FTO: variants seen among roughly 807,000 people sequenced by gnomAD.
FTO encodes alpha-ketoglutarate-dependent dioxygenase FTO.
Under a neutral mutation model 63.9 loss-of-function variants are expected in FTO, and 47 were observed. The observed-to-expected ratio is 0.74, with a 90% CI of 0.58 to 0.94. FTO has a LOEUF of 0.94. Among genes scored for constraint, FTO ranks in the 40% least tolerant of loss-of-function variants. The pLI is 0.00. For synonymous variants in FTO, 207 were observed against 224.4 expected, an observed-to-expected ratio of 0.92 and a Z score of 0.69; for missense variants, 562 against 618.1, an observed-to-expected ratio of 0.91 and a Z score of 0.96.
At chr16:53,933,832 C>A (rs775743803) in intron 7 of FTO, among the ~76,000 whole-genome samples, 153 bp from the exon 8 acceptor site, 1 of 152,138 alleles carries the variant, frequency 6.6e-6, no homozygotes, top group African/African-American at 2.4e-5. Flanking sequence ...AAATATATGC[C>A]GGCCATTTTT....
chr16:53,889,032 A>C, intron 7 of FTO, 81 bp downstream of exon 7: 1 of 1,439,116 alleles, frequency 6.9e-7, no homozygotes, highest in Non-Finnish European at 9.8e-7. Flanking sequence ...GCTTAGGCAA[A>C]TGTAGATTTA....
chr16:53,976,848 T>C (rs2083447333), intron 8 of FTO, among the ~76,000 whole-genome samples: 1 of 152,190 alleles, frequency 6.6e-6, no homozygotes, highest in African/African-American at 2.4e-5. Flanking sequence ...GTTGAGTTTT[T>C]GCATTCATAT....
At chr16:53,785,339 A>G (rs2077705934) in intron 1 of FTO, among the ~76,000 whole-genome samples, 1 of 152,178 alleles carries the variant, frequency 6.6e-6, no homozygotes, top group Admixed American at 6.5e-5. Flanking sequence ...TGAAAGTGGA[A>G]AGGAAAGTAT....
intron 8 of FTO, among the ~76,000 whole-genome samples, chr16:54,035,566 G>T (rs572953875): frequency 1.3e-5 from 2 of 152,268 alleles, no homozygotes; most frequent in South Asian, 4.1e-4. Context: ...CATTGACATT[G>T]TCGGTTTTAA....
In FTO at chr16:53,721,703, A is replaced by G. The variant is rs2076045667; in HGVS notation, c.45+17474A>G. Among the ~76,000 whole-genome samples, 3 of 152,278 alleles carry G rather than the reference A, an allele frequency of 2.0e-5. No homozygotes were observed. The South Asian group carries it at 6.2e-4, about 32-fold the overall frequency. On this transcript the variant is annotated intron_variant, in intron 1 of 8. Coordinates refer to ENST00000471389, the MANE Select transcript of FTO (RefSeq NM_001080432.3). ...TTTAAAATTGCTAACCACTATCCAA[A>G]TGCAGAGTGATAGTATTTTCTGGGT... is the stretch of plus-strand genomic sequence containing the variant.
At chr16:53,842,429 TTTA>T (rs2079503504) in intron 3 of FTO, among the ~76,000 whole-genome samples, 1 of 152,170 alleles carries the variant, frequency 6.6e-6, no homozygotes, top group Non-Finnish European at 1.5e-5. Context: ...TTTAAAAGTT[TTTA>T]TGTAGAGTTA....
chr16:54,017,097 A>G (rs935613738), intron 8 of FTO, among the ~76,000 whole-genome samples: 6 of 152,058 alleles, frequency 3.9e-5, no homozygotes, highest in African/African-American at 1.5e-4. Context: ...GGTTTATGCC[A>G]TTAAAACCTC....
intron 4 of FTO, among the ~76,000 whole-genome samples, chr16:53,854,016 G>A (rs1354539143): frequency 1.3e-5 from 2 of 151,994 alleles, no homozygotes; most frequent in Non-Finnish European, 2.9e-5. Context: ...TGGTCATTCT[G>A]GCTAGGATAA....
chr16:53,925,147 GA>G (rs2082109861), intron 7 of FTO, among the ~76,000 whole-genome samples: 1 of 151,216 alleles, frequency 6.6e-6, no homozygotes, highest in African/African-American at 2.4e-5. Flanking sequence ...TGGGGCTTTT[GA>G]CAGCCTGTGG....
chr16:53,984,737 C>T (rs1437469495), intron 8 of FTO, among the ~76,000 whole-genome samples: 2 of 152,214 alleles, frequency 1.3e-5, no homozygotes, highest in Admixed American at 1.3e-4. Context: ...AACAGAAATG[C>T]TGAGTAATGA....
chr16:53,865,661 CCT>C (rs1025178534), intron 4 of FTO, among the ~76,000 whole-genome samples: 13 of 152,116 alleles, frequency 8.5e-5, no homozygotes, highest in Non-Finnish European at 1.9e-4. Flanking sequence ...CGTCTCCTCC[CCT>C]GTCTCTGTAG....
At chr16:54,080,840 G>A (rs2086123391) in intron 8 of FTO, among the ~76,000 whole-genome samples, 3 of 152,338 alleles carry the variant, frequency 2.0e-5, no homozygotes, top group African/African-American at 7.2e-5. Context: ...GCTCCTGGAA[G>A]AGTATACTTT....
rs572804981 is a variant in FTO, at chr16:54,021,646, C to T, written c.1364+87537C>T. Among the ~76,000 whole-genome samples the T allele has an allele frequency of 8.5e-4, 130 of 152,230 alleles. 3 individuals carry two copies. In the South Asian group the frequency reaches 0.026, roughly 30 times the overall value. On this transcript the variant is annotated intron_variant, in intron 8 of 8. Coordinates refer to ENST00000471389, the MANE Select transcript of FTO (RefSeq NM_001080432.3). ...CTGGGACTACAGGAGCACACTATCA[C>T]ACCCAGCCAATTTTTGTATTTTTAG...
intron 8 of FTO, among the ~76,000 whole-genome samples, chr16:54,010,920 C>G (rs2084319589): frequency 6.6e-6 from 1 of 152,218 alleles, no homozygotes; most frequent in African/African-American, 2.4e-5. Context: ...CCCAGCACTT[C>G]CTCTGGTATG....
At chr16:53,738,963 C>T (rs1261585381) in intron 1 of FTO, among the ~76,000 whole-genome samples, 1 of 151,930 alleles carries the variant, frequency 6.6e-6, no homozygotes, top group Non-Finnish European at 1.5e-5. Context: ...ACCTCAGCCT[C>T]CTGAGTAGCT....
At chr16:54,029,706 T>A (rs1477094) in intron 8 of FTO, among the ~76,000 whole-genome samples, 32,433 of 152,124 alleles carry the variant, frequency 0.21, 4,705 homozygotes, top group African/African-American at 0.4. Context: ...TTGCTGCCCA[T>A]TAAACTCCAC....
chr16:54,090,605 G>C (rs180864662), intron 8 of FTO, among the ~76,000 whole-genome samples: 1 of 152,118 alleles, frequency 6.6e-6, no homozygotes, highest in Non-Finnish European at 1.5e-5. Flanking sequence ...GCATGTCATC[G>C]ACAGTTACAA....
chr16:53,707,417 C>T (rs1298442692), intron 1 of FTO, among the ~76,000 whole-genome samples: 1 of 152,198 alleles, frequency 6.6e-6, no homozygotes, highest in Non-Finnish European at 1.5e-5. Context: ...TCCTTAAGAG[C>T]CTCAACTTAA....
At chr16:53,769,588 C>T (rs2077287065) in intron 1 of FTO, among the ~76,000 whole-genome samples, 1 of 152,068 alleles carries the variant, frequency 6.6e-6, no homozygotes, top group Non-Finnish European at 1.5e-5. Flanking sequence ...AGATGAAAGT[C>T]TAAATTATTA....
Sources: gnomAD v4.1 joint callset for allele counts (sites outside exome capture counted in the v4.1 genomes callset) on GRCh38, gnomAD v4.1.1 for gene constraint, MANE v1.5 for transcripts, NCBI Gene and HGNC (gene_info 2026-07-23, HGNC 2026-07-21) for gene names.